The following TANC2 variants were observed in gnomAD, a reference collection of about 807,000 sequenced individuals.
The protein encoded by TANC2 is tetratricopeptide repeat, ankyrin repeat and coiled-coil containing 2.
A neutral mutation model predicts 210.5 loss-of-function variants in TANC2; 26 were observed. The ratio of observed to expected loss-of-function variants is 0.12; its 90% CI spans 0.09 to 0.17. TANC2 has a LOEUF of 0.17. Among genes scored for constraint, TANC2 ranks in the 10% least tolerant of loss-of-function variants. The pLI is 1.00. For synonymous variants in TANC2, 931 were observed against 967.1 expected, an observed-to-expected ratio of 0.96 and a Z score of 0.69; for missense variants, 2,129 against 2,608.9, an observed-to-expected ratio of 0.82 and a Z score of 4.01.
intron 1 of TANC2, among the ~76,000 whole-genome samples, chr17:63,002,211 T>C (rs2033418254): frequency 6.6e-6 from 1 of 152,220 alleles, no homozygotes; most frequent in Non-Finnish European, 1.5e-5. Context: ...AGTCATTGAC[T>C]GAGAACCTCT....
intron 25 of TANC2, chr17:63,414,040 T>A (rs1188217579): frequency 1.3e-5 from 2 of 153,716 alleles, no homozygotes; most frequent in Non-Finnish European, 2.9e-5. Context: ...AACAATAGCT[T>A]ATCAGCATCC....
At chr17:63,194,008 C>T (rs1482500371) in exon 6 of TANC2, 1 of 1,612,930 alleles carries the variant, frequency 6.2e-7, no homozygotes, top group South Asian at 1.1e-5. Context: ...TGAACAGGAG[C>T]TTGGCCCCCC....
chr17:63,407,712 G>T lies in TANC2; in HGVS notation c.3589+1435G>T, dbSNP rs114872703. Among the ~76,000 whole-genome samples, 605 of 152,228 alleles carry T rather than the reference G, an allele frequency of 4.0e-3. 7 individuals are homozygous for T. Among genetic ancestry groups the T allele is most frequent in the African/African-American group, 0.014 (592 of 41,536 alleles). ...GTGCCCTCAAAGGGTCTATAATGTG[G>T]CAGGGAAGAGATGAAACAAAGATAA... is the stretch of plus-strand genomic sequence containing the variant. On this transcript the variant is annotated intron_variant, in intron 21 of 27. Coordinates refer to ENST00000689528, the Ensembl canonical transcript of TANC2.
chr17:62,973,060 A>C (rs1253049360), intron 1 of TANC2, among the ~76,000 whole-genome samples: 2 of 144,520 alleles, frequency 1.4e-5, no homozygotes, highest in African/African-American at 2.6e-5. Context: ...ACGGCGTCTC[A>C]CTCTGTTGCC....
rs951545528 is a variant in TANC2 at position 63,251,305 on chromosome 17, G to A, written c.1033+13228G>A. 2.0e-5 allele frequency among the ~76,000 whole-genome samples: 3 copies of A among 152,106 alleles called. No individual in the cohort carries two copies. The East Asian group carries it at 5.8e-4, about 29-fold the overall frequency. ...AAAGTGCAGCCTAAGCAAAGTTTTG[G>A]CAAAGGGAAAGATAAGTTTGACGCA... On this transcript the variant is annotated intron_variant, in intron 8 of 27. Transcript: ENST00000689528.
chr17:63,006,097 A>G (rs1395249618), intron 1 of TANC2, among the ~76,000 whole-genome samples: 1 of 152,030 alleles, frequency 6.6e-6, no homozygotes, highest in Non-Finnish European at 1.5e-5. Context: ...ACAATATCTT[A>G]TTTTTTAAAT....
intron 2 of TANC2, among the ~76,000 whole-genome samples, chr17:63,052,488 T>C (rs1258249302): frequency 1.3e-5 from 2 of 152,142 alleles, no homozygotes; most frequent in Non-Finnish European, 2.9e-5. Flanking sequence ...TGTCATTGAG[T>C]AGTTTGGTGC....
intron 4 of TANC2, among the ~76,000 whole-genome samples, chr17:63,127,357 G>A (rs754561079): frequency 2.8e-4 from 43 of 152,040 alleles, no homozygotes; most frequent in Non-Finnish European, 5.3e-4. Context: ...ATTTTAATTT[G>A]ACTTTAATTC....
intron 4 of TANC2, chr17:63,150,481 A>T (rs748426221): frequency 6.6e-6 from 1 of 152,206 alleles, no homozygotes; most frequent in African/African-American, 2.4e-5. Flanking sequence ...TAAAACTTTC[A>T]ATTCATGAGT....
At chr17:63,341,930 G>T (rs2046242038) in intron 12 of TANC2, among the ~76,000 whole-genome samples, 2 of 152,126 alleles carry the variant, frequency 1.3e-5, no homozygotes, top group African/African-American at 4.8e-5. Context: ...CTGTGTTTAT[G>T]TGTAAACTAA....
rs1302552917 is a variant in TANC2 at position 63,043,544 on chromosome 17, ATGG to A, written c.68-30395_68-30393del. On this transcript the variant is annotated intron_variant, in intron 2 of 27. Transcript: ENST00000689528. Reference sequence around the variant, plus strand: ...TGACTTGACCAAAGTCATATAGTAAATGGTGGAGTCGGGACTTGTACTCATGTA... The same window carrying A: ...TGACTTGACCAAAGTCATATAGTAAATGGAGTCGGGACTTGTACTCATGTA... Among the ~76,000 whole-genome samples, 4 of 152,130 alleles carry A rather than the reference ATGG, an allele frequency of 2.6e-5. No individual in the cohort carries two copies. The East Asian group carries it at 7.7e-4, about 29-fold the overall frequency.
chr17:63,247,084 C>A (rs2042938524), intron 8 of TANC2, among the ~76,000 whole-genome samples: 1 of 151,916 alleles, frequency 6.6e-6, no homozygotes, highest in South Asian at 2.1e-4. Context: ...TTCATTTATT[C>A]TTTAGTGAAA....
At chr17:63,328,477 T>C (rs1015630279) in intron 11 of TANC2, among the ~76,000 whole-genome samples, 1 of 151,916 alleles carries the variant, frequency 6.6e-6, no homozygotes, top group African/African-American at 2.4e-5. Context: ...ATCCTGTCTT[T>C]TGCAAGAATA....
At chr17:63,104,464 T>G (rs559951408) in intron 4 of TANC2, among the ~76,000 whole-genome samples, 1 of 152,322 alleles carries the variant, frequency 6.6e-6, no homozygotes, top group East Asian at 1.9e-4. Flanking sequence ...TTTATGGCAA[T>G]TTGACAATAT....
chr17:63,199,930 T>C (rs970683362), intron 6 of TANC2, among the ~76,000 whole-genome samples: 2 of 152,256 alleles, frequency 1.3e-5, no homozygotes, highest in Non-Finnish European at 1.5e-5. Context: ...GACAAACTTT[T>C]AGAATAAGGC....
chr17:63,056,634 A>T (rs912362477), intron 2 of TANC2, among the ~76,000 whole-genome samples: 2 of 152,108 alleles, frequency 1.3e-5, no homozygotes, highest in African/African-American at 4.8e-5. Flanking sequence ...AGTTGAGATC[A>T]TGCCACTGTA....
intron 7 of TANC2, among the ~76,000 whole-genome samples, chr17:63,220,713 A>ATATATATATATAT (rs1302451440): frequency 7.1e-6 from 1 of 140,562 alleles, no homozygotes; most frequent in Non-Finnish European, 1.5e-5. Context: ...CAAAAAAAAA[A>ATATATATATATAT]AAAAAAATAT....
intron 9 of TANC2, among the ~76,000 whole-genome samples, chr17:63,289,494 G>A (rs766005367): frequency 1.3e-5 from 2 of 151,822 alleles, no homozygotes; most frequent in Admixed American, 1.3e-4. Context: ...TCCCATTAAA[G>A]GCATTCTTCA....
intron 5 of TANC2, among the ~76,000 whole-genome samples, chr17:63,175,186 TAATA>T (rs1295534623): frequency 6.6e-6 from 1 of 152,168 alleles, no homozygotes; most frequent in African/African-American, 2.4e-5. Flanking sequence ...TACAAAAGAA[TAATA>T]AAGTTAAAGG....
Sources: gnomAD v4.1 joint callset for allele counts (sites outside exome capture counted in the v4.1 genomes callset) on GRCh38, gnomAD v4.1.1 for gene constraint, MANE v1.5 for transcripts, NCBI Gene and HGNC (gene_info 2026-07-23, HGNC 2026-07-21) for gene names.